The following SCARA5 variants were observed in gnomAD, a reference collection of about 807,000 sequenced individuals.
SCARA5 encodes scavenger receptor class A member 5.
A neutral mutation model predicts 46.3 loss-of-function variants in SCARA5; 45 were observed. The ratio of observed to expected loss-of-function variants is 0.97; its 90% CI spans 0.76 to 1.24. The LOEUF (loss-of-function observed/expected upper bound fraction) is 1.24. SCARA5 is among the 50% of genes most tolerant of loss of function. SCARA5 has a pLI of 0.00. For missense variants in SCARA5, 680 were observed against 689.0 expected, an observed-to-expected ratio of 0.99 and a Z score of 0.15; for synonymous variants, 333 against 306.5, an observed-to-expected ratio of 1.09 and a Z score of -0.90.
At chr8:27,872,337 T>A (rs941382418) in intron 8 of SCARA5, among the ~76,000 whole-genome samples, 3 of 152,212 alleles carry the variant, frequency 2.0e-5, no homozygotes, top group African/African-American at 7.2e-5. Context: ...CTCTCCTTTT[T>A]AGTGGCAGCG....
chr8:27,929,946 A>G (rs1253232638), intron 3 of SCARA5, among the ~76,000 whole-genome samples: 1 of 152,142 alleles, frequency 6.6e-6, no homozygotes, highest in Non-Finnish European at 1.5e-5. Context: ...CTCCTCCCTC[A>G]CACAAAACAG....
chr8:27,930,309 A>T (rs1585496495), intron 3 of SCARA5, among the ~76,000 whole-genome samples: 1 of 151,958 alleles, frequency 6.6e-6, no homozygotes, highest in South Asian at 2.1e-4. Flanking sequence ...TCCCTGCACA[A>T]CTTCTCTTGT....
chr8:27,912,048 C>G (rs1188770526), intron 4 of SCARA5, among the ~76,000 whole-genome samples: 1 of 152,142 alleles, frequency 6.6e-6, no homozygotes, highest in African/African-American at 2.4e-5. Flanking sequence ...ACTGAGCTTT[C>G]AGAGGGAACG....
intron 3 of SCARA5, among the ~76,000 whole-genome samples, chr8:27,928,845 T>C (rs1020278038): frequency 3.9e-5 from 6 of 152,026 alleles, no homozygotes; most frequent in South Asian, 2.1e-4. Context: ...TTTGTATTTT[T>C]AGTAGGGATG....
At chr8:27,891,421 G>A (rs960073630) in intron 7 of SCARA5, among the ~76,000 whole-genome samples, 11 of 152,198 alleles carry the variant, frequency 7.2e-5, no homozygotes, top group Non-Finnish European at 1.0e-4. Flanking sequence ...GGCCAGGATG[G>A]TCTCGATCTC....
chr8:27,943,893 A>C (rs938718049), intron 3 of SCARA5, among the ~76,000 whole-genome samples: 3 of 152,240 alleles, frequency 2.0e-5, no homozygotes, highest in Non-Finnish European at 4.4e-5. Context: ...CTTCTTAATC[A>C]GAGGGAATAA....
At chr8:27,973,476 CAAAT>C (rs1197947139) in intron 2 of SCARA5, among the ~76,000 whole-genome samples, 14 of 151,978 alleles carry the variant, frequency 9.2e-5, no homozygotes, top group Admixed American at 5.9e-4. Flanking sequence ...GACTCTGTCT[CAAAT>C]AAATAAATTA....
intron 2 of SCARA5, 59 bp downstream of exon 2, chr8:27,987,445 G>T (rs1430193763): frequency 3.4e-6 from 4 of 1,187,280 alleles, no homozygotes; most frequent in Admixed American, 1.7e-5. Flanking sequence ...TGGTGGTAGG[G>T]CTCCTTCCCC....
intron 3 of SCARA5, among the ~76,000 whole-genome samples, chr8:27,959,987 T>A (rs1465060623): frequency 6.6e-6 from 1 of 152,186 alleles, no homozygotes; most frequent in Non-Finnish European, 1.5e-5. Context: ...TCTCCAACAA[T>A]GTCTCCAGGC....
In SCARA5 at chr8:27,879,602, C is replaced by T. The variant is rs779597813; in HGVS notation, c.1318G>A (p.Glu440Lys). 1.2e-6 allele frequency: 2 copies of T among 1,610,454 alleles called. No individual in the cohort carries two copies. Among genetic ancestry groups the T allele is most frequent in the Non-Finnish European group, 8.5e-7 (1 of 1,179,992 alleles). Residue 440 changes from glutamate (E) to lysine (K), a missense_variant, in exon 8 of 9, where the codon GAG (glutamate) becomes AAG (lysine). Coordinates refer to ENST00000354914, the MANE Select transcript of SCARA5 (RefSeq NM_173833.6). The stretch of plus-strand genomic sequence containing the variant: ...AATCGAGCTGTGCGGTACACCTCCT[C>T]CACACCGCGGAAGCCGAGCATGCGG... ...VCRMLGFRGV[E>K]EVYRTARFGQ...
At chr8:27,933,950 G>A (rs1038882606) in intron 3 of SCARA5, among the ~76,000 whole-genome samples, 2 of 152,196 alleles carry the variant, frequency 1.3e-5, no homozygotes, top group Non-Finnish European at 2.9e-5. Context: ...TACGGATGGA[G>A]CTAGCAAAAG....
In SCARA5 at chr8:27,922,135, G is replaced by T. The variant is rs1294526818; in HGVS notation, c.352C>A (p.Gln118Lys). Residue 118 changes from glutamine to lysine, a missense_variant, in exon 4 of 9, where the codon CAA becomes AAA. Physicochemically the swap from Gln to Lys is moderately conservative, Grantham distance 53. Coordinates refer to ENST00000354914, the MANE Select transcript of SCARA5 (RefSeq NM_173833.6). ...LQLRLLQAPL[Q>K]ADLTEQVWKV... ...CACACCTGCTCCGTCAGGTCCGCTT[G>T]CAGCGGAGCCTGCAGCAGCCGCAGC... is the stretch of plus-strand genomic sequence containing the variant. 1.2e-6 allele frequency: 2 copies of T among 1,607,008 alleles called. No individual in the cohort carries two copies. Among genetic ancestry groups the T allele is most frequent in the African/African-American group, 2.7e-5 (2 of 74,582 alleles).
intron 3 of SCARA5, among the ~76,000 whole-genome samples, chr8:27,952,104 A>G (rs1010641755): frequency 3.3e-5 from 5 of 151,558 alleles, no homozygotes; most frequent in African/African-American, 1.2e-4. Context: ...TGGACACAGA[A>G]ACAGACATGT....
chr8:27,946,589 G>C lies in SCARA5; in HGVS notation c.241+19825C>G, dbSNP rs143041470. Among the ~76,000 whole-genome samples the C allele has an allele frequency of 2.3e-3, 355 of 152,340 alleles. 2 individuals carry two copies. The highest frequency in any genetic ancestry group is 7.7e-3 in the African/African-American group (322 of 41,576). On this transcript the variant is annotated intron_variant, in intron 3 of 8. Transcript: ENST00000354914. Reference sequence around the variant, plus strand: ...TAAGCCATGCAGGCTGCGGTATTTTGTTATGGCAGCCTCAGCAAACTAATA... The same window carrying C: ...TAAGCCATGCAGGCTGCGGTATTTTCTTATGGCAGCCTCAGCAAACTAATA...
intron 1 of SCARA5, among the ~76,000 whole-genome samples, chr8:27,991,534 C>A (rs1585532860): frequency 6.6e-6 from 1 of 152,302 alleles, no homozygotes; most frequent in Non-Finnish European, 1.5e-5. Flanking sequence ...AATTCCTCCT[C>A]TGAGTGGGTA....
At chr8:27,989,129 C>CTTTTTTTTTTTTTTT (rs34929623) in intron 1 of SCARA5, among the ~76,000 whole-genome samples, 28 of 68,314 alleles carry the variant, frequency 4.1e-4, no homozygotes, top group East Asian at 8.8e-4. Flanking sequence ...TTCTTTCTTT[C>CTTTTTTTTTTTTTTT]TTTTTTTTTT....
At chr8:27,897,491 T>G (rs1807083149) in intron 7 of SCARA5, among the ~76,000 whole-genome samples, 1 of 152,270 alleles carries the variant, frequency 6.6e-6, no homozygotes, top group Admixed American at 6.5e-5. Flanking sequence ...TTCACTGGTT[T>G]TCATAGATGA....
intron 8 of SCARA5, among the ~76,000 whole-genome samples, chr8:27,873,751 A>G (rs1375580283): frequency 1.3e-5 from 2 of 152,250 alleles, no homozygotes; most frequent in African/African-American, 4.8e-5. Context: ...GCCAGGTGCC[A>G]TGGCTCACGC....
chr8:27,940,760 G>GTCCATCCAACCA (rs1554573615), intron 3 of SCARA5, among the ~76,000 whole-genome samples: 45 of 128,364 alleles, frequency 3.5e-4, no homozygotes, highest in Middle Eastern at 3.5e-3. Flanking sequence ...CCAACCATCT[G>GTCCATCCAACCA]TCCATCCATC....
Sources: gnomAD v4.1 joint callset for allele counts (sites outside exome capture counted in the v4.1 genomes callset) on GRCh38, gnomAD v4.1.1 for gene constraint, MANE v1.5 for transcripts, NCBI Gene and HGNC (gene_info 2026-07-23, HGNC 2026-07-21) for gene names.